Variants in BMP7 observed in about 807,000 individuals in gnomAD.
BMP7 encodes bone morphogenetic protein 7, also known as osteogenic protein 1.
BMP7 carries 12 observed loss-of-function variants against 41.2 expected under a neutral mutation model. The observed-to-expected ratio is 0.29, with a 90% CI of 0.19 to 0.47. BMP7 has a LOEUF of 0.47. BMP7 is among the 20% of genes least tolerant of loss of function. BMP7 has a pLI of 0.99. For missense variants in BMP7, 467 were observed against 606.0 expected, an observed-to-expected ratio of 0.77 and a Z score of 2.41; for synonymous variants, 248 against 250.0, an observed-to-expected ratio of 0.99 and a Z score of 0.07.
chr20:57,241,954 C>T (rs914469602), intron 1 of BMP7, among the ~76,000 whole-genome samples: 7 of 152,086 alleles, frequency 4.6e-5, no homozygotes, highest in Admixed American at 2.0e-4. Flanking sequence ...CCCAGATGCC[C>T]GTAGAGCTGA....
chr20:57,170,997 AT>A lies in BMP7; in HGVS notation c.1257del (p.Lys419AsnfsTer55). 6.2e-7 allele frequency: 1 copy of A among 1,614,038 alleles called. No individual in the cohort carries two copies. Among genetic ancestry groups the A allele is most frequent in the Admixed American group, 1.7e-5 (1 of 60,006 alleles). On this transcript the variant is annotated frameshift_variant, in exon 7 of 7. Coordinates refer to ENST00000395863, the MANE Select transcript of BMP7 (RefSeq NM_001719.3). LOFTEE classifies it high-confidence loss of function. Reference sequence around the variant, plus strand: ...CAGGCCCGGACCACCATGTTTCTGTATTTCTTCAGGATGACGTTGGAGCTGT... The same window carrying A: ...CAGGCCCGGACCACCATGTTTCTGTATTCTTCAGGATGACGTTGGAGCTGT... ...FDDSSNVILK[K>X]YRNMVVRACG...
At chr20:57,225,209 G>T (rs1008636653) in intron 2 of BMP7, among the ~76,000 whole-genome samples, 12 of 152,348 alleles carry the variant, frequency 7.9e-5, no homozygotes, top group Middle Eastern at 3.4e-3. Flanking sequence ...CAAAGAAAAA[G>T]CCTATCTCTG....
At chr20:57,203,731 C>A (rs766882865) in intron 2 of BMP7, among the ~76,000 whole-genome samples, 1 of 152,164 alleles carries the variant, frequency 6.6e-6, no homozygotes, top group African/African-American at 2.4e-5. Context: ...AATATTTATA[C>A]CTCTGTGTTG....
intron 3 of BMP7, 73 bp downstream of exon 3, chr20:57,202,402 G>A (rs1261711827): frequency 1.9e-6 from 3 of 1,562,174 alleles, no homozygotes; most frequent in Non-Finnish European, 2.6e-6. Context: ...AAGCAAGCAT[G>A]AGCACTGCTG....
chr20:57,250,545 A>AG (rs1415248227), intron 1 of BMP7, among the ~76,000 whole-genome samples: 13 of 150,872 alleles, frequency 8.6e-5, no homozygotes, highest in African/African-American at 2.9e-4. Context: ...ACTCAAAAAA[A>AG]AAAAAAAAAA....
intron 1 of BMP7, among the ~76,000 whole-genome samples, chr20:57,237,733 C>T (rs112586722): frequency 2.2e-4 from 34 of 152,322 alleles, no homozygotes; most frequent in African/African-American, 7.2e-4. Context: ...AACAGAACAT[C>T]GCCTAGAAGT....
At chr20:57,176,749 T>G in intron 4 of BMP7, among the ~76,000 whole-genome samples, 1 of 28,174 alleles carries the variant, frequency 3.5e-5, no homozygotes, top group East Asian at 2.4e-3. Context: ...ACATTCTCCA[T>G]TCACACACAC....
intron 2 of BMP7, 83 bp from the exon 3 acceptor site, chr20:57,202,706 A>G (rs542345726): frequency 3.9e-6 from 2 of 510,662 alleles, no homozygotes; most frequent in East Asian, 5.6e-5. Flanking sequence ...GCAGAGCCTC[A>G]TGGGGTGGGA....
intron 2 of BMP7, among the ~76,000 whole-genome samples, chr20:57,207,825 T>G (rs1266540588): frequency 1.4e-5 from 2 of 138,970 alleles, no homozygotes; most frequent in African/African-American, 5.5e-5. Context: ...TTTTTTTTTT[T>G]TTTTTTTTTT....
rs948717765 is a variant in BMP7 at position 57,259,550 on chromosome 20, T to C, written c.418+6155A>G. On this transcript the variant is annotated intron_variant, in intron 1 of 6. Transcript: ENST00000395863. The surrounding 1 kb of genome is among the most constrained non-coding windows in gnomAD (Gnocchi z 4.7). ...ATGTTTGCACAGGAACCGGATTATA[T>C]GCACCCTGGCTCCAAAACAATAAAG... Among the ~76,000 whole-genome samples the C allele has an allele frequency of 6.6e-6, 1 of 152,176 alleles. No homozygotes were observed. Among genetic ancestry groups the C allele is most frequent in the African/African-American group, 2.4e-5 (1 of 41,440 alleles).
At chr20:57,221,417 T>C (rs1985186939) in intron 2 of BMP7, among the ~76,000 whole-genome samples, 1 of 152,136 alleles carries the variant, frequency 6.6e-6, no homozygotes, top group South Asian at 2.1e-4. Flanking sequence ...AAAAAGTGTA[T>C]CCACCAGCCA....
chr20:57,190,397 GGGT>G (rs1568708828), intron 3 of BMP7, among the ~76,000 whole-genome samples: 1 of 127,100 alleles, frequency 7.9e-6, no homozygotes, highest in Non-Finnish European at 1.7e-5. Context: ...GAGCCCGAGG[GGGT>G]GAGGCTGGAG....
At chr20:57,227,373 G>A (rs2066011388) in intron 2 of BMP7, among the ~76,000 whole-genome samples, 1 of 152,122 alleles carries the variant, frequency 6.6e-6, no homozygotes, top group Non-Finnish European at 1.5e-5. Flanking sequence ...TTGGTACTTA[G>A]ATGACCATCC....
chr20:57,175,139 G>T, intron 4 of BMP7, 132 bp from the exon 5 acceptor site: 3 of 979,170 alleles, frequency 3.1e-6, no homozygotes, highest in Non-Finnish European at 4.7e-6. Context: ...TAAATTTCCC[G>T]ATTCAAAAGC....
chr20:57,221,239 G>A (rs230216), intron 2 of BMP7, among the ~76,000 whole-genome samples: 100,114 of 151,958 alleles, frequency 0.66, 34,039 homozygotes, highest in African/African-American at 0.83. Context: ...TGCAACTTCC[G>A]AGGGGTGGAA....
At chr20:57,186,046 T>C (rs1984203205) in intron 3 of BMP7, among the ~76,000 whole-genome samples, 1 of 152,118 alleles carries the variant, frequency 6.6e-6, no homozygotes, top group Admixed American at 6.5e-5. Context: ...TTGCATACCC[T>C]AAGTGCTCAA....
intron 1 of BMP7, among the ~76,000 whole-genome samples, chr20:57,247,054 C>T (rs969100505): frequency 1.3e-5 from 2 of 152,136 alleles, no homozygotes; most frequent in African/African-American, 4.8e-5. Context: ...ATGTTCACTA[C>T]TGGGATGATT....
intron 3 of BMP7, among the ~76,000 whole-genome samples, chr20:57,194,560 A>G (rs1235059930): frequency 6.6e-6 from 1 of 152,150 alleles, no homozygotes; most frequent in African/African-American, 2.4e-5. Context: ...AGGGAAAACC[A>G]TCAGTGTCCT....
At chr20:57,198,852 A>G (rs1328490350) in intron 3 of BMP7, among the ~76,000 whole-genome samples, 2 of 152,182 alleles carry the variant, frequency 1.3e-5, no homozygotes, top group Non-Finnish European at 2.9e-5. Context: ...ACGCTGGCCC[A>G]AATTACTATC....
Sources: allele counts gnomAD v4.1 joint callset (sites outside exome capture counted in the v4.1 genomes callset), GRCh38; gene constraint gnomAD v4.1.1; non-coding constraint Gnocchi (gnomAD v3.1); transcripts MANE v1.5; gene names NCBI Gene and HGNC (gene_info 2026-07-23, HGNC 2026-07-21).